ATP13A5: variants seen among roughly 807,000 people sequenced by gnomAD.
The protein encoded by ATP13A5 is probable cation-transporting ATPase 13A5.
Under a neutral mutation model 150.2 loss-of-function variants are expected in ATP13A5, and 149 were observed. The observed-to-expected ratio is 0.99, with a 90% CI of 0.87 to 1.14. The LOEUF (loss-of-function observed/expected upper bound fraction) is 1.14, where lower values mean the gene tolerates loss of function less well. Among genes scored for constraint, ATP13A5 ranks in the 50% most tolerant of loss-of-function variants. The pLI, the probability that ATP13A5 is intolerant of heterozygous loss-of-function variation, is 0.00. For missense variants in ATP13A5, 1,383 were observed against 1,449.3 expected (o/e 0.95, Z 0.74); for synonymous variants, 497 against 522.2 (o/e 0.95, Z 0.66).
Position 193,301,399 on chromosome 3 carries a change from G to A in ATP13A5, c.2679-92C>T, listed in dbSNP as rs1577334969. ...CTTAAAACGAGTTATATTTTTAGTA[G>A]CCTGTTGACATACATTCACTTAATC... On this transcript the variant is annotated intron_variant, in intron 23 of 29. Transcript: ENST00000342358. The A allele has an allele frequency of 5.6e-6, 5 of 888,520 alleles. No homozygotes were observed. The East Asian group carries it at 1.3e-4, about 22-fold the overall frequency. 55.0% of individuals were successfully genotyped at this position (888,520 alleles called of 1,614,324 possible). A position where few individuals can be genotyped will look rare whatever the true frequency, so the allele number is the denominator to read the frequency against.
In ATP13A5 at chr3:193,307,330, A is replaced by G. The variant is rs1390675120; in HGVS notation, c.2565T>C (p.Cys855=). 1 of 1,613,792 alleles carries G rather than the reference A, an allele frequency of 6.2e-7. No individual in the cohort carries two copies. Among genetic ancestry groups the G allele is most frequent in the Non-Finnish European group, 8.5e-7 (1 of 1,179,886 alleles). ...VGMCGDGAND[C]GALKAAHAGI... Reference sequence around the variant, plus strand: ...AGCAAAAGCCATTTCTACTCACCCCACAGTCGTTAGCTCCATCTCCACACA... The same window carrying G: ...AGCAAAAGCCATTTCTACTCACCCCGCAGTCGTTAGCTCCATCTCCACACA... Residue 855 remains cysteine, a synonymous_variant, in exon 22 of 30, where the codon TGT becomes TGC. Transcript: ENST00000342358.
At chr3:193,285,229 G>A (rs1717671829) in intron 26 of ATP13A5, 113 bp from the exon 27 acceptor site, 7 of 799,308 alleles carry the variant, frequency 8.8e-6, no homozygotes, top group Admixed American at 2.7e-5. Context: ...AACTATGTCA[G>A]CCAGTAACTA....
chr3:193,292,154 G>C (rs949362368), intron 25 of ATP13A5, among the ~76,000 whole-genome samples: 1 of 152,112 alleles, frequency 6.6e-6, no homozygotes, highest in Non-Finnish European at 1.5e-5. Context: ...GGTCCACGAA[G>C]AAGGGGTACA....
intron 7 of ATP13A5, among the ~76,000 whole-genome samples, chr3:193,347,826 C>T (rs1202367678): frequency 6.6e-6 from 1 of 152,154 alleles, no homozygotes; most frequent in Non-Finnish European, 1.5e-5. Context: ...CTCTGCAAAT[C>T]CCTACAATTC....
intron 5 of ATP13A5, among the ~76,000 whole-genome samples, chr3:193,356,049 C>T (rs1420763587): frequency 6.6e-6 from 1 of 152,124 alleles, no homozygotes; most frequent in Admixed American, 6.6e-5. Flanking sequence ...TATGTCTACC[C>T]GCTCAGTCCC....
At chr3:193,352,430 A>C (rs1460783404) in intron 6 of ATP13A5, among the ~76,000 whole-genome samples, 1 of 152,214 alleles carries the variant, frequency 6.6e-6, no homozygotes, top group African/African-American at 2.4e-5. Flanking sequence ...CACTATTCTA[A>C]TTAATTCAGT....
rs74634553 is a variant in ATP13A5, at chr3:193,352,613, G to A, written c.607-1412C>T. Among the ~76,000 whole-genome samples, 5 of 151,970 alleles carry A rather than the reference G, an allele frequency of 3.3e-5. 1 individual carries two copies. Among genetic ancestry groups the A allele is most frequent in the South Asian group, 2.1e-4 (1 of 4,814 alleles). On this transcript the variant is annotated intron_variant, in intron 6 of 29. Transcript: ENST00000342358. ...TTGGCAATTTGAAAACGTACTTGAC[G>A]TTTAAAAAGCTGCCTACTTTTTGAT...
intron 9 of ATP13A5, among the ~76,000 whole-genome samples, chr3:193,338,371 G>T (rs1577358091): frequency 6.6e-6 from 1 of 152,138 alleles, no homozygotes; most frequent in South Asian, 2.1e-4. Context: ...CTGTGGGTTT[G>T]TCATAGATAG....
In ATP13A5 at chr3:193,341,048, A is replaced by C. The variant is rs78475753; in HGVS notation, c.943+2879T>G. Among the ~76,000 whole-genome samples the C allele has an allele frequency of 7.0e-3, 1,071 of 152,252 alleles. 11 individuals carry two copies. Among genetic ancestry groups the C allele is most frequent in the African/African-American group, 0.024 (998 of 41,560 alleles). ...CTGGGCCTCAGATTTGCCCACTCTA[A>C]TAGAGTTGCAGGTTGAATGAAATAG... On this transcript the variant is annotated intron_variant, in intron 9 of 29. Coordinates refer to ENST00000342358, the MANE Select transcript of ATP13A5 (RefSeq NM_198505.4).
intron 25 of ATP13A5, among the ~76,000 whole-genome samples, chr3:193,298,068 A>T (rs1718243628): frequency 6.6e-6 from 1 of 152,068 alleles, no homozygotes; most frequent in African/African-American, 2.4e-5. Context: ...ATTGTATCTG[A>T]TCCTCACAAT....
intron 20 of ATP13A5, among the ~76,000 whole-genome samples, chr3:193,311,273 CAGAT>C (rs1718838942): frequency 1.3e-5 from 2 of 152,188 alleles, no homozygotes; most frequent in African/African-American, 4.8e-5. Flanking sequence ...ACACTGCTAA[CAGAT>C]AGTTGCTGCC....
At chr3:193,351,343 A>G (rs1712555599) in intron 6 of ATP13A5, 142 bp from the exon 7 acceptor site, 1 of 1,036,904 alleles carries the variant, frequency 9.6e-7, no homozygotes, top group Non-Finnish European at 1.4e-6. Context: ...TTAGATCTCT[A>G]TTGATTTGGG....
intron 20 of ATP13A5, among the ~76,000 whole-genome samples, chr3:193,311,236 G>C (rs1451316224): frequency 6.6e-6 from 1 of 152,154 alleles, no homozygotes; most frequent in African/African-American, 2.4e-5. Context: ...TGTGGACTTT[G>C]ACTGCTAGGG....
intron 5 of ATP13A5, among the ~76,000 whole-genome samples, chr3:193,356,276 CAA>C (rs11333858): frequency 7.4e-4 from 108 of 145,086 alleles, no homozygotes; most frequent in African/African-American, 1.8e-3. Context: ...AATAAGTTTG[CAA>C]AAAAAAAAAA....
chr3:193,364,318 T>C (rs781699025), intron 1 of ATP13A5, 38 bp from the exon 2 acceptor site: 1 of 1,594,358 alleles, frequency 6.3e-7, no homozygotes, highest in Non-Finnish European at 8.5e-7. Context: ...TATTTTTCTT[T>C]TCTTCACATA....
At chr3:193,308,035 T>G (rs1325431146) in intron 21 of ATP13A5, among the ~76,000 whole-genome samples, 1 of 152,232 alleles carries the variant, frequency 6.6e-6, no homozygotes, top group East Asian at 1.9e-4. Flanking sequence ...GACAATATTC[T>G]TAAAGACTTA....
intron 23 of ATP13A5, among the ~76,000 whole-genome samples, chr3:193,303,747 T>A (rs1718498562): frequency 6.6e-6 from 1 of 151,674 alleles, no homozygotes; most frequent in Non-Finnish European, 1.5e-5. Flanking sequence ...GCAGAAGCAA[T>A]CCACATGGGA....
At chr3:193,285,250 C>T (rs533859210) in intron 26 of ATP13A5, 134 bp from the exon 27 acceptor site, 3 of 680,722 alleles carry the variant, frequency 4.4e-6, no homozygotes, top group South Asian at 1.9e-5. Flanking sequence ...CCAAGACATA[C>T]TTTGTTCACC....
chr3:193,292,035 C>G (rs1237210365), intron 25 of ATP13A5, among the ~76,000 whole-genome samples: 2 of 151,988 alleles, frequency 1.3e-5, no homozygotes, highest in Non-Finnish European at 2.9e-5. Context: ...ATCGAGAGCC[C>G]CACACCTGTG....
Sources: gnomAD v4.1 joint callset for allele counts (sites outside exome capture counted in the v4.1 genomes callset) on GRCh38, gnomAD v4.1.1 for gene constraint, MANE v1.5 for transcripts, NCBI Gene and HGNC (gene_info 2026-07-23, HGNC 2026-07-21) for gene names.